Variants in ADGRV1 observed in about 807,000 individuals in gnomAD.
ADGRV1 encodes G-protein coupled receptor 98.
In ADGRV1, 359 loss-of-function variants were observed where a neutral mutation model predicts 596.2. That is an observed-to-expected ratio of 0.60 (90% CI 0.55 to 0.66). The LOEUF is 0.66. Among genes scored for constraint, ADGRV1 ranks in the 30% least tolerant of loss-of-function variants. The pLI is 0.00. For missense variants in ADGRV1, 7,274 were observed against 7,575.6 expected, an observed-to-expected ratio of 0.96 and a Z score of 1.48; for synonymous variants, 2,681 against 2,679.2, an observed-to-expected ratio of 1.00 and a Z score of -0.02.
At chr5:90,803,239 G>A (rs1302073569) in intron 71 of ADGRV1, among the ~76,000 whole-genome samples, 1 of 152,034 alleles carries the variant, frequency 6.6e-6, no homozygotes, top group Non-Finnish European at 1.5e-5. Context: ...GTTTACAGGG[G>A]CGAGTTTGTC....
intron 85 of ADGRV1, among the ~76,000 whole-genome samples, chr5:90,990,333 A>G (rs1780860597): frequency 6.6e-6 from 1 of 152,132 alleles, no homozygotes; most frequent in East Asian, 1.9e-4. Flanking sequence ...TAATTATACT[A>G]TATTGAAAAT....
At chr5:90,764,379 C>T (rs1756856843) in intron 59 of ADGRV1, among the ~76,000 whole-genome samples, 1 of 152,166 alleles carries the variant, frequency 6.6e-6, no homozygotes, top group South Asian at 2.1e-4. Context: ...TCCTGTAAGC[C>T]CAAGTGGCAC....
chr5:91,154,714 A>G (rs1262099643), intron 89 of ADGRV1, among the ~76,000 whole-genome samples: 1 of 152,224 alleles, frequency 6.6e-6, no homozygotes, highest in Non-Finnish European at 1.5e-5. Context: ...CAGGAAATGT[A>G]CAATCATGGC....
intron 4 of ADGRV1, among the ~76,000 whole-genome samples, chr5:90,620,510 T>G (rs1177623168): frequency 6.6e-6 from 1 of 152,200 alleles, no homozygotes; most frequent in Non-Finnish European, 1.5e-5. Flanking sequence ...CTTTGTCAGA[T>G]GAGTAGATTG....
At chr5:90,682,054 C>T (rs776804146) in intron 27 of ADGRV1, among the ~76,000 whole-genome samples, 2 of 152,070 alleles carry the variant, frequency 1.3e-5, no homozygotes, top group Non-Finnish European at 1.5e-5. Flanking sequence ...TTAGTAGAGA[C>T]GGGGTTTCTC....
Position 90,763,263 on chromosome 5 carries a change from G to GTT in ADGRV1, c.12121-32_12121-31dup, listed in dbSNP as rs748905721. ...TCTACTTGTTTATCCTGCTCTTTTTGTTTTTTTTTTTGTTTGGCCTTACTG... is the reference window on the plus strand; with the variant it reads ...TCTACTTGTTTATCCTGCTCTTTTTGTTTTTTTTTTTTTGTTTGGCCTTACTG... On this transcript the variant is annotated intron_variant, in intron 58 of 89. Transcript: ENST00000405460. 0.034 allele frequency: 36,768 copies of GTT among 1,076,358 alleles called. 285 individuals carry two copies. Among genetic ancestry groups the GTT allele is most frequent in the South Asian group, 0.078 (3,371 of 43,360 alleles). The allele number at this position is 1,076,358 out of a possible 1,614,324, so 66.7% of individuals were successfully genotyped here. A position where few individuals can be genotyped will look rare whatever the true frequency, so the allele number is the denominator to read the frequency against.
rs1767147423 is a variant in ADGRV1, at chr5:90,642,773, A to C, written c.2367+11A>C. On this transcript the variant is annotated intron_variant, in intron 12 of 89. Transcript: ENST00000405460. ...CCCTATGTTATAAAAGTAAGTACGA[A>C]AAAAACTTCCATTTATTCTGTGCTC... is the stretch of plus-strand genomic sequence containing the variant. The C allele has an allele frequency of 6.2e-7, 1 of 1,608,480 alleles. No individual in the cohort carries two copies. Among genetic ancestry groups the C allele is most frequent in the African/African-American group, 1.3e-5 (1 of 74,484 alleles).
intron 87 of ADGRV1, among the ~76,000 whole-genome samples, chr5:91,107,006 G>A (rs1183636186): frequency 4.6e-5 from 7 of 152,148 alleles, no homozygotes; most frequent in Admixed American, 6.5e-5. Context: ...GGAGCAATGC[G>A]GTCTACAGCT....
intron 85 of ADGRV1, among the ~76,000 whole-genome samples, chr5:91,008,056 C>G (rs1176163139): frequency 1.3e-5 from 2 of 152,136 alleles, no homozygotes; most frequent in African/African-American, 4.8e-5. Flanking sequence ...TTCTTCTTTT[C>G]TAATGGCTTT....
Position 90,772,651 on chromosome 5 carries a change from G to A in ADGRV1, c.12286-1535G>A, listed in dbSNP as rs568428398. Among the ~76,000 whole-genome samples the A allele has an allele frequency of 2.6e-5, 4 of 152,208 alleles. No homozygotes were observed. In the South Asian group the frequency reaches 8.3e-4, roughly 32 times the overall value. ...CAAAAGTGCTCAATATTGATTTTGG[G>A]GTTACAAAGTTGGATGAGTAGACAA... On this transcript the variant is annotated intron_variant, in intron 59 of 89. Coordinates refer to ENST00000405460, the MANE Select transcript of ADGRV1 (RefSeq NM_032119.4).
chr5:90,980,164 C>T (rs1398195637), intron 84 of ADGRV1, among the ~76,000 whole-genome samples: 3 of 152,116 alleles, frequency 2.0e-5, no homozygotes, highest in Admixed American at 2.0e-4. Context: ...AGTACATCAT[C>T]TTTCCTGATA....
At chr5:90,723,941 T>C (rs1580880222) in intron 45 of ADGRV1, among the ~76,000 whole-genome samples, 1 of 152,082 alleles carries the variant, frequency 6.6e-6, no homozygotes, top group East Asian at 1.9e-4. Flanking sequence ...TTCTTTTTTT[T>C]TGTAGTACAG....
At chr5:91,158,359 G>T (rs1796642556) in intron 89 of ADGRV1, among the ~76,000 whole-genome samples, 1 of 152,182 alleles carries the variant, frequency 6.6e-6, no homozygotes, top group African/African-American at 2.4e-5. Context: ...TAAACAGGTA[G>T]AAGATAAAAG....
intron 52 of ADGRV1, among the ~76,000 whole-genome samples, chr5:90,746,352 A>C (rs1754628402): frequency 6.6e-6 from 1 of 151,966 alleles, no homozygotes; most frequent in African/African-American, 2.4e-5. Context: ...CCGTGCCCAG[A>C]TTTCATATTT....
Position 90,798,738 on chromosome 5 carries a change from C to T in ADGRV1, c.14518-4001C>T, listed in dbSNP as rs139680711. On this transcript the variant is annotated intron_variant, in intron 70 of 89. Coordinates refer to ENST00000405460, the MANE Select transcript of ADGRV1 (RefSeq NM_032119.4). ...AAAAGCTTATCTACCATGATCAACT[C>T]GGCTTCATACCTGGGATGCAAGGCT... Among the ~76,000 whole-genome samples the T allele has an allele frequency of 4.2e-3, 638 of 152,220 alleles. 2 individuals carry two copies. Among genetic ancestry groups the T allele is most frequent in the African/African-American group, 0.013 (557 of 41,540 alleles).
chr5:90,773,813 T>G (rs1175021436), intron 59 of ADGRV1, among the ~76,000 whole-genome samples: 1 of 152,334 alleles, frequency 6.6e-6, no homozygotes, highest in African/African-American at 2.4e-5. Context: ...ACAACTGTGA[T>G]CTAATGTCAT....
chr5:90,764,480 A>G (rs1192612877), intron 59 of ADGRV1, among the ~76,000 whole-genome samples: 1 of 152,200 alleles, frequency 6.6e-6, no homozygotes, highest in Non-Finnish European at 1.5e-5. Flanking sequence ...CAGTGGGAAG[A>G]ACCACAGCTG....
chr5:90,668,984 G>T (rs960300225), intron 21 of ADGRV1, among the ~76,000 whole-genome samples: 1 of 152,126 alleles, frequency 6.6e-6, no homozygotes, highest in Non-Finnish European at 1.5e-5. Flanking sequence ...ATTTCTTAGT[G>T]TCTCTTTGGA....
rs1281392520 is a variant in ADGRV1, at chr5:90,960,152, A to AC, written c.17857-5263_17857-5262insC. On this transcript the variant is annotated intron_variant, in intron 83 of 89. Transcript: ENST00000405460. ...AGACTCATCTCAAAAAAAAAAAAAA[A>AC]ACAAAAAACAGATCAGTGTATGCCT... Among the ~76,000 whole-genome samples, 173 of 146,278 alleles carry AC rather than the reference A, an allele frequency of 1.2e-3. 2 individuals carry two copies. The highest frequency in any genetic ancestry group is 3.8e-3 in the African/African-American group (146 of 38,026).
Sources: allele counts gnomAD v4.1 joint callset (sites outside exome capture counted in the v4.1 genomes callset), GRCh38; gene constraint gnomAD v4.1.1; transcripts MANE v1.5; gene names NCBI Gene and HGNC (gene_info 2026-07-23, HGNC 2026-07-21).